Variants in DOK6 observed in about 807,000 individuals in gnomAD.
DOK6 encodes the protein docking protein 6.
DOK6 carries 22 observed loss-of-function variants against 44.0 expected under a neutral mutation model. The ratio of observed to expected loss-of-function variants is 0.50; its 90% CI spans 0.36 to 0.71. The LOEUF (loss-of-function observed/expected upper bound fraction) is 0.71, where lower values mean the gene tolerates loss of function less well. DOK6 is among the 30% of genes least tolerant of loss of function. The probability of loss-of-function intolerance (pLI) is 0.00; values close to 1 mark genes in which losing one functional copy is unlikely to be tolerated. For missense variants in DOK6, 340 were observed against 416.4 expected (o/e 0.82, Z 1.60); for synonymous variants, 166 against 145.5 (o/e 1.14, Z -1.01).
At chr18:69,465,793 A>G (rs942448854) in intron 1 of DOK6, among the ~76,000 whole-genome samples, 20 of 152,260 alleles carry the variant, frequency 1.3e-4, no homozygotes, top group African/African-American at 4.8e-4. Flanking sequence ...TTATAGCAGC[A>G]TGATTTATAG....
intron 1 of DOK6, among the ~76,000 whole-genome samples, chr18:69,496,251 G>A (rs996995887): frequency 2.0e-5 from 3 of 152,246 alleles, no homozygotes; most frequent in African/African-American, 7.2e-5. Context: ...GCTGTGACCA[G>A]GAGGACAGGG....
chr18:69,583,990 C>T (rs192494384), intron 2 of DOK6, among the ~76,000 whole-genome samples: 9,587 of 151,332 alleles, frequency 0.063, 423 homozygotes, highest in Middle Eastern at 0.17. Context: ...CGCCTGTAGT[C>T]CCAGCTACTC....
rs913131951 is a variant in DOK6 at position 69,737,688 on chromosome 18, A to C, written c.600-1277A>C. Among the ~76,000 whole-genome samples the C allele has an allele frequency of 5.3e-5, 8 of 152,322 alleles. No individual in the cohort carries two copies. The East Asian group carries it at 7.7e-4, about 15-fold the overall frequency. ...GCCTTATTTCATGATCAAAGGATGA[A>C]GTTTACAGTAGTTTTTACTTCAGAG... On this transcript the variant is annotated intron_variant, in intron 5 of 7. Transcript: ENST00000382713.
intron 3 of DOK6, among the ~76,000 whole-genome samples, chr18:69,607,065 A>G (rs1361957911): frequency 6.6e-6 from 1 of 152,168 alleles, no homozygotes; most frequent in Non-Finnish European, 1.5e-5. Flanking sequence ...AGTCCCAAAG[A>G]GGCAATGTGA....
chr18:69,757,946 T>G, intron 7 of DOK6, 73 bp downstream of exon 7: 1 of 1,287,294 alleles, frequency 7.8e-7, no homozygotes, highest in Non-Finnish European at 1.1e-6. Flanking sequence ...TGCAAATTGC[T>G]TTGTATTTGC....
At chr18:69,523,022 A>G (rs1292818384) in intron 1 of DOK6, among the ~76,000 whole-genome samples, 1 of 152,088 alleles carries the variant, frequency 6.6e-6, no homozygotes, top group Non-Finnish European at 1.5e-5. Context: ...AGAAGCTGGG[A>G]AGGAAGATCT....
At chr18:69,492,755 TC>T (rs113153005) in intron 1 of DOK6, among the ~76,000 whole-genome samples, 1,874 of 141,622 alleles carry the variant, frequency 0.013, 41 homozygotes, top group African/African-American at 0.045. Context: ...TCATTCTTTT[TC>T]TATGGCTGCA....
At chr18:69,776,053 A>G (rs969171033) in intron 7 of DOK6, among the ~76,000 whole-genome samples, 4 of 152,048 alleles carry the variant, frequency 2.6e-5, no homozygotes, top group Non-Finnish European at 5.9e-5. Context: ...TTAAATAACA[A>G]CCATTTCATG....
At chr18:69,629,043 C>A (rs1984626219) in intron 3 of DOK6, among the ~76,000 whole-genome samples, 1 of 152,202 alleles carries the variant, frequency 6.6e-6, no homozygotes, top group South Asian at 2.1e-4. Context: ...CAAAAAGTGT[C>A]AATTTAGTCA....
At chr18:69,527,133 ATTG>A (rs1981852269) in intron 1 of DOK6, among the ~76,000 whole-genome samples, 1 of 152,184 alleles carries the variant, frequency 6.6e-6, no homozygotes, top group Non-Finnish European at 1.5e-5. Context: ...GCACATATGC[ATTG>A]TTACTTCTGT....
chr18:69,459,093 C>G (rs1979710712), intron 1 of DOK6, among the ~76,000 whole-genome samples: 1 of 102,312 alleles, frequency 9.8e-6, no homozygotes, highest in Admixed American at 1.1e-4. Context: ...GAGACTCCCC[C>G]CAACAACCCC....
intron 2 of DOK6, among the ~76,000 whole-genome samples, chr18:69,567,096 A>G (rs1439634633): frequency 6.6e-6 from 1 of 152,154 alleles, no homozygotes; most frequent in African/African-American, 2.4e-5. Context: ...TCATTCCTTG[A>G]GTTATTCTGT....
chr18:69,773,391 T>C (rs1979946456), intron 7 of DOK6, among the ~76,000 whole-genome samples: 1 of 152,014 alleles, frequency 6.6e-6, no homozygotes, highest in Non-Finnish European at 1.5e-5. Context: ...ATTAGCACTT[T>C]CATGTTCATT....
intron 2 of DOK6, among the ~76,000 whole-genome samples, chr18:69,579,024 T>C (rs1385570378): frequency 6.6e-6 from 1 of 152,194 alleles, no homozygotes; most frequent in East Asian, 1.9e-4. Context: ...AGTATCTTAA[T>C]TTGCAGACTG....
At chr18:69,739,740 G>T (rs1410308687) in intron 6 of DOK6, among the ~76,000 whole-genome samples, 1 of 152,068 alleles carries the variant, frequency 6.6e-6, no homozygotes, top group Non-Finnish European at 1.5e-5. Context: ...GCTTGAAAAA[G>T]CAAACAATGA....
chr18:69,803,591 A>G (rs1980964863), intron 7 of DOK6, among the ~76,000 whole-genome samples: 3 of 152,120 alleles, frequency 2.0e-5, no homozygotes, highest in Non-Finnish European at 4.4e-5. Context: ...AGCTATGACC[A>G]GGTGGCTCAC....
chr18:69,507,898 A>G (rs1981241020), intron 1 of DOK6, among the ~76,000 whole-genome samples: 1 of 151,826 alleles, frequency 6.6e-6, no homozygotes, highest in South Asian at 2.1e-4. Flanking sequence ...CAACTCATGG[A>G]TGATGTTGAA....
intron 5 of DOK6, among the ~76,000 whole-genome samples, chr18:69,731,074 T>A (rs1437919454): frequency 6.6e-6 from 1 of 151,878 alleles, no homozygotes; most frequent in Non-Finnish European, 1.5e-5. Flanking sequence ...TTTTACTGGG[T>A]AGCTTGTTTT....
intron 7 of DOK6, among the ~76,000 whole-genome samples, chr18:69,761,888 G>A (rs2144758518): frequency 6.6e-6 from 1 of 152,244 alleles, no homozygotes; most frequent in South Asian, 2.1e-4. Context: ...GAATCCATAT[G>A]GGTCCACAGC....
Sources: allele counts gnomAD v4.1 joint callset (sites outside exome capture counted in the v4.1 genomes callset), GRCh38; gene constraint gnomAD v4.1.1; transcripts MANE v1.5; gene names NCBI Gene and HGNC (gene_info 2026-07-23, HGNC 2026-07-21).